AS3MT: variants seen among roughly 807,000 people sequenced by gnomAD.
The protein encoded by AS3MT is S-adenosyl-L-methionine:arsenic(III) methyltransferase.
In AS3MT, 47 loss-of-function variants were observed where a neutral mutation model predicts 45.3. That is an observed-to-expected ratio of 1.04 (90% confidence interval 0.82 to 1.32). The LOEUF (loss-of-function observed/expected upper bound fraction) is 1.32, where lower values mean the gene tolerates loss of function less well. Among genes scored for constraint, AS3MT ranks in the 40% most tolerant of loss-of-function variants. AS3MT has a pLI of 0.00. For missense variants in AS3MT, 396 were observed against 451.1 expected (o/e 0.88, Z 1.11); for synonymous variants, 141 against 152.8 (o/e 0.92, Z 0.57).
In AS3MT at chr10:102,891,775, C is replaced by T. The variant is rs566200126; in HGVS notation, c.1020+1097C>T. On this transcript the variant is annotated intron_variant, in intron 10 of 10. Transcript: ENST00000369880. The stretch of plus-strand genomic sequence containing the variant: ...CCAGCCTGGGTAACATGTTGAAACC[C>T]TGTCTCTACCAAAAATACAAAAAAA... 2.6e-5 allele frequency among the ~76,000 whole-genome samples: 4 copies of T among 151,862 alleles called. No individual in the cohort carries two copies. The South Asian group carries it at 8.3e-4, about 32-fold the overall frequency.
rs766798451 is a variant in AS3MT at position 102,869,821 on chromosome 10, C to T, written c.18C>T (p.Asp6=). The T allele has an allele frequency of 6.2e-7, 1 of 1,614,102 alleles. No homozygotes were observed. Among genetic ancestry groups the T allele is most frequent in the Non-Finnish European group, 8.5e-7 (1 of 1,180,038 alleles). MAALR[D]AEIQKDVQTY... is the part of the protein sequence containing the mutation. ...TCCCGACAGTGGCTGCACTTCGTGA[C>T]GCTGAGATACAGAAGGACGTGCAGG... is the stretch of plus-strand genomic sequence containing the variant. The change falls in exon 2 of 11, where the codon GAC becomes GAT. Residue 6 remains aspartate, a synonymous_variant. Transcript: ENST00000369880.
chr10:102,876,106 T>C (rs1844780931), intron 6 of AS3MT, among the ~76,000 whole-genome samples: 2 of 152,166 alleles, frequency 1.3e-5, no homozygotes, highest in African/African-American at 4.8e-5. Flanking sequence ...AACACTATTA[T>C]AGAATCTAGA....
chr10:102,869,718 G>T, intron 1 of AS3MT, 87 bp from the exon 2 acceptor site: 1 of 1,611,284 alleles, frequency 6.2e-7, no homozygotes. Flanking sequence ...TCACCCCTCG[G>T]CCCGCTGCCT....
intron 9 of AS3MT, among the ~76,000 whole-genome samples, chr10:102,883,105 G>T (rs866224991): frequency 5.7e-5 from 8 of 140,218 alleles, no homozygotes; most frequent in African/African-American, 1.3e-4. Flanking sequence ...TATATATATG[G>T]TTTTTTTTTT....
chr10:102,876,739 A>G (rs1844790079), intron 6 of AS3MT, among the ~76,000 whole-genome samples: 1 of 152,202 alleles, frequency 6.6e-6, no homozygotes. Flanking sequence ...ATGTGATTTT[A>G]TTACCTGTTG....
chr10:102,888,984 G>A lies in AS3MT; in HGVS notation c.886-1560G>A, dbSNP rs536759313. ...CGGCCCACTGCAAGCTCCGCCTCCCGGGTTCATGCCATTCTCCTGCCTCAG... is the reference window on the plus strand; with the variant it reads ...CGGCCCACTGCAAGCTCCGCCTCCCAGGTTCATGCCATTCTCCTGCCTCAG... On this transcript the variant is annotated intron_variant, in intron 9 of 10. Coordinates refer to ENST00000369880, the MANE Select transcript of AS3MT (RefSeq NM_020682.4). Among the ~76,000 whole-genome samples the A allele has an allele frequency of 1.9e-4, 28 of 148,888 alleles. No homozygotes were observed. In the South Asian group the frequency reaches 2.1e-3, roughly 11 times the overall value.
At chr10:102,871,285 G>A (rs149431681) in intron 3 of AS3MT, among the ~76,000 whole-genome samples, 1,781 of 151,638 alleles carry the variant, frequency 0.012, 33 homozygotes, top group African/African-American at 0.04. Flanking sequence ...GGTGGCTTAT[G>A]TCTGTAATCC....
At chr10:102,898,329 C>T (rs1377954679) in intron 10 of AS3MT, among the ~76,000 whole-genome samples, 1 of 151,896 alleles carries the variant, frequency 6.6e-6, no homozygotes, top group African/African-American at 2.4e-5. Flanking sequence ...GGCGTGGTGG[C>T]TCACACCTGT....
At chr10:102,893,087 T>C (rs1367794808) in intron 10 of AS3MT, among the ~76,000 whole-genome samples, 2 of 149,610 alleles carry the variant, frequency 1.3e-5, no homozygotes, top group African/African-American at 4.9e-5. Context: ...ACAACGGAAG[T>C]CTCTAAATTC....
At position 102,882,837 on chromosome 10, in the gene AS3MT, C is replaced by T. The variant is rs189142856; in HGVS notation, c.885+3846C>T. Among the ~76,000 whole-genome samples the T allele has an allele frequency of 8.6e-4, 131 of 151,934 alleles. 1 individual carries two copies. Among genetic ancestry groups the T allele is most frequent in the African/African-American group, 3.0e-3 (124 of 41,426 alleles). ...AACTCCTGACCTCAGGTAATCTACC[C>T]GCCTCGGCCTCCCAAAGTGCTGGGA... is the stretch of plus-strand genomic sequence containing the variant. On this transcript the variant is annotated intron_variant, in intron 9 of 10. Transcript: ENST00000369880.
chr10:102,899,234 C>T (rs1035005639), intron 10 of AS3MT, among the ~76,000 whole-genome samples: 2 of 152,110 alleles, frequency 1.3e-5, no homozygotes, highest in Non-Finnish European at 2.9e-5. Context: ...TCAGGTGATC[C>T]ACTGCCTTGG....
rs1844902792 is a variant in AS3MT, at chr10:102,883,688, TG to T, written c.885+4700del. ...GAGATTGAGTCACTGCACTCCAGCC[TG>T]GGCAACAGAGCAAGACTTCATCTCA... On this transcript the variant is annotated intron_variant, in intron 9 of 10. Coordinates refer to ENST00000369880, the MANE Select transcript of AS3MT (RefSeq NM_020682.4). 2.0e-5 allele frequency among the ~76,000 whole-genome samples: 3 copies of T among 151,824 alleles called. No individual in the cohort carries two copies. In the South Asian group the frequency reaches 6.3e-4, roughly 32 times the overall value.
chr10:102,872,407 T>C, intron 3 of AS3MT, 41 bp from the exon 4 acceptor site: 1 of 1,608,716 alleles, frequency 6.2e-7, no homozygotes, highest in Non-Finnish European at 8.5e-7. Context: ...TTTCATGTCT[T>C]ACAGTCTCCA....
Position 102,869,550 on chromosome 10 carries a change from A to G in AS3MT, c.-43A>G. On this transcript the variant is annotated 5_prime_UTR_variant, in exon 1 of 11. Coordinates refer to ENST00000369880, the MANE Select transcript of AS3MT (RefSeq NM_020682.4). ...AGTGCGCGCCCTGAGTCGCAGGCCG[A>G]GGAGACAGTGAGTGCGCGCCCTGAG... 1.3e-6 allele frequency: 2 copies of G among 1,525,214 alleles called. No homozygotes were observed. Among genetic ancestry groups the G allele is most frequent in the South Asian group, 2.4e-5 (2 of 83,246 alleles). The allele number at this position is 1,525,214 out of a possible 1,614,324, so 94.5% of individuals were successfully genotyped here.
In AS3MT at chr10:102,900,799, T is replaced by C; in HGVS notation, c.*99T>C. ...AGCACAGACCATAAGAAACAACAAA[T>C]GGGGCCGGGCACAGTGGCTCATGCC... On this transcript the variant is annotated 3_prime_UTR_variant, in exon 11 of 11. Transcript: ENST00000369880. 2 of 942,918 alleles carry C rather than the reference T, an allele frequency of 2.1e-6. No individual in the cohort carries two copies. Among genetic ancestry groups the C allele is most frequent in the East Asian group, 2.5e-5 (1 of 39,378 alleles). The allele number at this position is 942,918 out of a possible 1,614,324, so 58.4% of individuals were successfully genotyped here.
At chr10:102,885,985 A>G (rs1844947484) in intron 9 of AS3MT, among the ~76,000 whole-genome samples, 1 of 151,984 alleles carries the variant, frequency 6.6e-6, no homozygotes, top group Non-Finnish European at 1.5e-5. Context: ...CTTCTTTTTC[A>G]AGTCTGAATA....
intron 10 of AS3MT, among the ~76,000 whole-genome samples, chr10:102,899,669 C>G (rs1272065378): frequency 1.5e-5 from 2 of 135,222 alleles, no homozygotes; most frequent in South Asian, 2.4e-4. Context: ...CATGTTCATG[C>G]TTTTTTTTTT....
chr10:102,898,455 G>T (rs1473555753), intron 10 of AS3MT, among the ~76,000 whole-genome samples: 1 of 152,102 alleles, frequency 6.6e-6, no homozygotes, highest in Non-Finnish European at 1.5e-5. Context: ...AATTAGCTGG[G>T]TGTGGTGGCG....
chr10:102,884,160 A>G (rs1253011395), intron 9 of AS3MT, among the ~76,000 whole-genome samples: 2 of 151,746 alleles, frequency 1.3e-5, no homozygotes, highest in Non-Finnish European at 2.9e-5. Context: ...TTGTATTTTT[A>G]GTAGAGATGG....
Sources: allele counts gnomAD v4.1 joint callset (sites outside exome capture counted in the v4.1 genomes callset), GRCh38; gene constraint gnomAD v4.1.1; transcripts MANE v1.5; gene names NCBI Gene and HGNC (gene_info 2026-07-23, HGNC 2026-07-21).